Variants in DGKK observed in about 807,000 individuals in gnomAD.
DGKK encodes 142 kDa diacylglycerol kinase.
A neutral mutation model predicts 92.2 loss-of-function variants in DGKK; 35 were observed. That is an observed-to-expected ratio of 0.38 (90% confidence interval 0.29 to 0.50). The LOEUF (loss-of-function observed/expected upper bound fraction) is 0.50. Ranked by LOEUF, DGKK falls within the 20% of genes least tolerant of loss-of-function variation. The probability of loss-of-function intolerance (pLI) is 0.92; values close to 1 mark genes in which losing one functional copy is unlikely to be tolerated. For synonymous variants in DGKK, 368 were observed against 360.6 expected (o/e 1.02, Z -0.23); for missense variants, 910 against 992.2 (o/e 0.92, Z 1.11).
At chrX:50,371,400 G>A (rs1015091083) in intron 26 of DGKK, among the ~76,000 whole-genome samples, 4 of 111,908 alleles carry the variant, frequency 3.6e-5, no homozygotes, top group Non-Finnish European at 7.5e-5. Flanking sequence ...CAGGGAGGGG[G>A]AATTTGCAGC....
chrX:50,406,639 C>T (rs188429317), intron 4 of DGKK, among the ~76,000 whole-genome samples: 158 of 111,619 alleles, frequency 1.4e-3, no homozygotes, highest in African/African-American at 4.9e-3. Context: ...AATGATGCAT[C>T]TGCAAGCCAA....
At chrX:50,400,326 C>T (rs1924969299) in intron 8 of DGKK, among the ~76,000 whole-genome samples, 1 of 111,959 alleles carries the variant, frequency 8.9e-6, no homozygotes, top group African/African-American at 3.2e-5. Flanking sequence ...AGACTCTATA[C>T]AAAGTTTATT....
intron 1 of DGKK, among the ~76,000 whole-genome samples, chrX:50,434,576 A>T (rs1602294475): frequency 9.1e-6 from 1 of 109,759 alleles, no homozygotes; most frequent in African/African-American, 3.3e-5. Context: ...CCACTATTTC[A>T]CCCAGCAGGA....
intron 4 of DGKK, among the ~76,000 whole-genome samples, chrX:50,405,527 G>GGAGAGAGAGA (rs781903574): frequency 9.9e-6 from 1 of 100,961 alleles, no homozygotes; most frequent in Admixed American, 1.1e-4. Flanking sequence ...GACAGTGGGG[G>GGAGAGAGAGA]GAGAGAGAGA....
At chrX:50,427,577 TTAATAATAATAA>T (rs75113899) in intron 1 of DGKK, among the ~76,000 whole-genome samples, 2 of 98,009 alleles carry the variant, frequency 2.0e-5, no homozygotes, top group African/African-American at 3.8e-5. Context: ...ATGCAAGACG[TTAATAATAATAA>T]TAATAATAAT....
chrX:50,387,414 C>T, intron 14 of DGKK, 140 bp downstream of exon 14: 2 of 488,452 alleles, frequency 4.1e-6, no homozygotes, highest in Non-Finnish European at 6.9e-6. Flanking sequence ...GAGGTTAGAC[C>T]TTCCTCATCA....
chrX:50,446,938 G>A (rs1557231942), intron 1 of DGKK, among the ~76,000 whole-genome samples: 1 of 109,689 alleles, frequency 9.1e-6, no homozygotes, highest in African/African-American at 3.3e-5. Flanking sequence ...TACGCTGACT[G>A]GTCTAACTAG....
At position 50,401,022 on chromosome X, in the gene DGKK, G is replaced by T. The variant is rs41306367; in HGVS notation, c.1411+15C>A. On this transcript the variant is annotated intron_variant, in intron 8 of 27. Coordinates refer to ENST00000611977, the MANE Select transcript of DGKK (RefSeq NM_001013742.4). ...ATGCCCAATGTGCTTCTGAGGTTAA[G>T]ATTTAACTACTCACCATCGCCTTTG... 4.5e-3 allele frequency: 5,348 copies of T among 1,180,491 alleles called. 16 individuals carry two copies. Among genetic ancestry groups the T allele is most frequent in the Middle Eastern group, 6.0e-3 (26 of 4,306 alleles).
chrX:50,453,593 C>G (rs1926541292), intron 1 of DGKK, among the ~76,000 whole-genome samples: 1 of 111,365 alleles, frequency 9.0e-6, no homozygotes, highest in South Asian at 3.8e-4. Context: ...GTATGACAAA[C>G]AGACATATAC....
At position 50,470,219 on chromosome X, in the gene DGKK, T is replaced by A; in HGVS notation, c.460A>T (p.Thr154Ser). 2 of 1,210,084 alleles carry A rather than the reference T, an allele frequency of 1.7e-6. No homozygotes were observed. The highest frequency in any genetic ancestry group is 2.2e-6 in the Non-Finnish European group (2 of 894,867). The change falls in exon 1 of 28, where the codon ACC (threonine) becomes TCC (serine). Residue 154 changes from threonine (T) to serine (S), a missense_variant. Transcript: ENST00000611977. ...EVAPELAPEP[T>S]PEPVTELAPE... ...GCCAGCTCTGTCACAGGTTCTGGGG[T>A]CGGCTCTGGGGCCAGCTCTGGGGCA...
In DGKK at chrX:50,370,415, G is replaced by A; in HGVS notation, c.3736+11C>T. On this transcript the variant is annotated intron_variant, in intron 27 of 27. Coordinates refer to ENST00000611977, the MANE Select transcript of DGKK (RefSeq NM_001013742.4). ...GTCTTCATGACCCCTCTGCCTGTGGGGGAGACTTACCAATAAAACTCTGGA... is the reference window on the plus strand; with the variant it reads ...GTCTTCATGACCCCTCTGCCTGTGGAGGAGACTTACCAATAAAACTCTGGA... 8.4e-7 allele frequency: 1 copy of A among 1,187,594 alleles called. No homozygotes were observed. Among genetic ancestry groups the A allele is most frequent in the East Asian group, 3.1e-5 (1 of 32,773 alleles).
chrX:50,384,245 C>T lies in DGKK; in HGVS notation c.2472G>A (p.Leu824=). 8.5e-7 allele frequency: 1 copy of T among 1,172,385 alleles called. No individual in the cohort carries two copies. The highest frequency in any genetic ancestry group is 1.1e-6 in the Non-Finnish European group (1 of 872,791). ...CACTTTTGAGAGAAGATATAGAAGA[C>T]AAAGTGCCACGACGAGAACCTAGAC... ...SPRRRSRRGT[L]SSISSLKSED... The change falls in exon 17 of 28, where the codon TTG becomes TTA. Residue 824 remains leucine (L), a synonymous_variant. Coordinates refer to ENST00000611977, the MANE Select transcript of DGKK (RefSeq NM_001013742.4).
intron 20 of DGKK, among the ~76,000 whole-genome samples, chrX:50,379,180 G>C (rs1924348771): frequency 9.0e-6 from 1 of 110,759 alleles, no homozygotes; most frequent in African/African-American, 3.3e-5. Context: ...AATTAGCCGG[G>C]CATGGTGGCT....
intron 1 of DGKK, among the ~76,000 whole-genome samples, chrX:50,437,930 T>C (rs782751985): frequency 3.7e-4 from 41 of 111,027 alleles, no homozygotes; most frequent in Non-Finnish European, 7.4e-4. Flanking sequence ...TTAAAATTTC[T>C]GGGAAGAGGC....
At chrX:50,372,724 C>T (rs1456397120) in intron 25 of DGKK, among the ~76,000 whole-genome samples, 1 of 112,300 alleles carries the variant, frequency 8.9e-6, no homozygotes, top group African/African-American at 3.2e-5. Context: ...CCATCTTCGA[C>T]TCAGAAGAAT....
chrX:50,459,102 C>T (rs782214849), intron 1 of DGKK, among the ~76,000 whole-genome samples: 1 of 111,838 alleles, frequency 8.9e-6, no homozygotes, highest in African/African-American at 3.2e-5. Context: ...ATTGTAGGAA[C>T]CTTTGTTCCA....
intron 1 of DGKK, among the ~76,000 whole-genome samples, chrX:50,458,676 T>C (rs782117568): frequency 2.7e-5 from 3 of 111,254 alleles, no homozygotes; most frequent in Non-Finnish European, 5.7e-5. Context: ...TCTTCAATGA[T>C]TGCACAACAT....
At chrX:50,409,755 A>G (rs1925261650) in intron 4 of DGKK, among the ~76,000 whole-genome samples, 1 of 111,388 alleles carries the variant, frequency 9.0e-6, no homozygotes, top group Non-Finnish European at 1.9e-5. Context: ...CCTTCATATC[A>G]TATGTTGAAA....
intron 13 of DGKK, among the ~76,000 whole-genome samples, chrX:50,388,028 A>T (rs1347883153): frequency 8.9e-6 from 1 of 112,327 alleles, no homozygotes; most frequent in African/African-American, 3.2e-5. Context: ...ACAAACAATT[A>T]TATTGGGAGG....
Sources: gnomAD v4.1 joint callset for allele counts (sites outside exome capture counted in the v4.1 genomes callset) on GRCh38, gnomAD v4.1.1 for gene constraint, MANE v1.5 for transcripts, NCBI Gene and HGNC (gene_info 2026-07-23, HGNC 2026-07-21) for gene names.